Variants in PAN3 observed in about 807,000 individuals in gnomAD.
PAN3 encodes the protein poly(A) specific ribonuclease subunit PAN3.
Under a neutral mutation model 96.2 loss-of-function variants are expected in PAN3, and 19 were observed. The ratio of observed to expected loss-of-function variants is 0.20; its 90% CI spans 0.14 to 0.29. The LOEUF (loss-of-function observed/expected upper bound fraction) is 0.29, where lower values mean the gene tolerates loss of function less well. PAN3 is among the 10% of genes least tolerant of loss of function. PAN3 has a pLI of 1.00. For synonymous variants in PAN3, 433 were observed against 406.6 expected (o/e 1.06, Z -0.78); for missense variants, 882 against 1,108.1 (o/e 0.80, Z 2.90).
At position 28,138,603 on chromosome 13, in the gene PAN3, T is replaced by TGGCGGCGGCGGCGGCGGCGGC. The variant is rs779468176; in HGVS notation, c.-53_-52insCGGCGGCGGCGGCGGCGGCGG. 3 of 462,590 alleles carry TGGCGGCGGCGGCGGCGGCGGC rather than the reference T, an allele frequency of 6.5e-6. No individual in the cohort carries two copies. The highest frequency in any genetic ancestry group is 8.7e-5 in the Admixed American group (2 of 22,968). The allele number at this position is 462,590 out of a possible 1,614,324, so 28.7% of individuals were successfully genotyped here. On this transcript the variant is annotated 5_prime_UTR_variant, in exon 1 of 19. Transcript: ENST00000380958. ...TCTTCCTTTCCTCCCCCGTCTATGG[T>TGGCGGCGGCGGCGGCGGCGGC]GGTGGCGGCGGCGGCTCCTCGGGCG...
intron 1 of PAN3, among the ~76,000 whole-genome samples, chr13:28,172,646 T>C (rs1038460579): frequency 6.6e-6 from 1 of 152,322 alleles, no homozygotes; most frequent in Admixed American, 6.5e-5. Context: ...TTTAAACATA[T>C]CCTGGACATT....
intron 9 of PAN3, among the ~76,000 whole-genome samples, chr13:28,263,621 G>A (rs1008778720): frequency 5.9e-5 from 9 of 152,140 alleles, no homozygotes; most frequent in African/African-American, 1.9e-4. Flanking sequence ...ATGAGCCACT[G>A]TGCTTCAGGC....
At chr13:28,214,701 T>A (rs1233290132) in intron 5 of PAN3, 1 of 464,708 alleles carries the variant, frequency 2.2e-6, no homozygotes, top group African/African-American at 2.0e-5. Flanking sequence ...TTGGATAAAC[T>A]GAAAGCTGAG....
chr13:28,145,194 G>A (rs1420868198), intron 1 of PAN3, among the ~76,000 whole-genome samples: 1 of 152,104 alleles, frequency 6.6e-6, no homozygotes, highest in Non-Finnish European at 1.5e-5. Context: ...CAGTATCATG[G>A]CCAGTATTGA....
At chr13:28,192,842 A>G (rs1336889326) in intron 4 of PAN3, among the ~76,000 whole-genome samples, 1 of 152,232 alleles carries the variant, frequency 6.6e-6, no homozygotes, top group Non-Finnish European at 1.5e-5. Flanking sequence ...AGATATTGTT[A>G]TAATTTACAT....
chr13:28,160,875 T>C (rs1269204326), intron 1 of PAN3, among the ~76,000 whole-genome samples: 2 of 152,234 alleles, frequency 1.3e-5, no homozygotes, highest in African/African-American at 4.8e-5. Flanking sequence ...TCTGTACTTC[T>C]ATTGAGAATA....
intron 2 of PAN3, among the ~76,000 whole-genome samples, chr13:28,174,699 T>C (rs1332523204): frequency 6.6e-6 from 1 of 152,160 alleles, no homozygotes; most frequent in Non-Finnish European, 1.5e-5. Flanking sequence ...ATTTTAAAAT[T>C]ATGTTTTAAG....
chr13:28,273,526 G>A (rs578048172), intron 14 of PAN3, among the ~76,000 whole-genome samples: 23 of 152,088 alleles, frequency 1.5e-4, no homozygotes, highest in Non-Finnish European at 2.9e-4. Context: ...GCTTGAACCT[G>A]GGAGGCGGAG....
rs1880548709 is a variant in PAN3 at position 28,214,967 on chromosome 13, T to C, written c.853-5264T>C. On this transcript the variant is annotated intron_variant, in intron 5 of 18. Transcript: ENST00000380958. Reference sequence around the variant, plus strand: ...TGGGTGTGAAACAACTAATTGTTGGTGTTAACAAAATGGATTCCACTGAGC... The same window carrying C: ...TGGGTGTGAAACAACTAATTGTTGGCGTTAACAAAATGGATTCCACTGAGC... 2.2e-6 allele frequency: 3 copies of C among 1,371,872 alleles called. No individual in the cohort carries two copies. In the African/African-American group the frequency reaches 4.3e-5, roughly 19 times the overall value. The allele number at this position is 1,371,872 out of a possible 1,614,324, so 85.0% of individuals were successfully genotyped here.
intron 1 of PAN3, among the ~76,000 whole-genome samples, chr13:28,160,916 G>T (rs1298579442): frequency 6.6e-6 from 1 of 152,164 alleles, no homozygotes; most frequent in Non-Finnish European, 1.5e-5. Context: ...AAATCTTTCA[G>T]TTGTCTTGAA....
chr13:28,289,285 T>C (rs529772070), intron 18 of PAN3, among the ~76,000 whole-genome samples: 1 of 151,876 alleles, frequency 6.6e-6, no homozygotes, highest in South Asian at 2.1e-4. Flanking sequence ...TGAGGTGAGC[T>C]TTTTTTTGGA....
intron 13 of PAN3, 149 bp downstream of exon 13, chr13:28,271,015 A>AAT: frequency 1.1e-6 from 1 of 925,318 alleles, no homozygotes; most frequent in Non-Finnish European, 1.6e-6. Context: ...AAGCTTTTTA[A>AAT]AGAAAAAAAA....
chr13:28,238,818 G>A (rs1297945545), intron 6 of PAN3, among the ~76,000 whole-genome samples: 2 of 151,576 alleles, frequency 1.3e-5, no homozygotes, highest in African/African-American at 4.9e-5. Context: ...TCATAATAGT[G>A]TATTATAGAT....
At chr13:28,225,709 T>C (rs1373564628) in intron 6 of PAN3, among the ~76,000 whole-genome samples, 2 of 152,232 alleles carry the variant, frequency 1.3e-5, no homozygotes, top group African/African-American at 4.8e-5. Context: ...CTTGTCTCTC[T>C]TCCATCCACT....
At chr13:28,168,943 G>A (rs1235121193) in intron 1 of PAN3, among the ~76,000 whole-genome samples, 2 of 151,810 alleles carry the variant, frequency 1.3e-5, no homozygotes, top group Non-Finnish European at 2.9e-5. Flanking sequence ...GCATGAACCC[G>A]GGAGGTTGAA....
chr13:28,139,223 G>C (rs1051468310), intron 1 of PAN3, 136 bp downstream of exon 1: 1 of 1,030,402 alleles, frequency 9.7e-7, no homozygotes, highest in South Asian at 4.8e-5. Context: ...GAGAGGCCTA[G>C]GCCGGGCCTG....
At chr13:28,161,905 G>A (rs1250223494) in intron 1 of PAN3, among the ~76,000 whole-genome samples, 1 of 152,130 alleles carries the variant, frequency 6.6e-6, no homozygotes, top group African/African-American at 2.4e-5. Context: ...GCTTCTGTGG[G>A]TTTTATAACA....
At chr13:28,174,210 GT>G in intron 1 of PAN3, 61 bp from the exon 2 acceptor site, 1 of 1,513,264 alleles carries the variant, frequency 6.6e-7, no homozygotes. Flanking sequence ...GAACACAGAA[GT>G]GAAATCAATG....
intron 6 of PAN3, among the ~76,000 whole-genome samples, chr13:28,233,058 A>G (rs1882741563): frequency 6.6e-6 from 1 of 152,162 alleles, no homozygotes; most frequent in African/African-American, 2.4e-5. Flanking sequence ...GCAGATTGTT[A>G]AACTAGAATA....
Sources: gnomAD v4.1 joint callset for allele counts (sites outside exome capture counted in the v4.1 genomes callset) on GRCh38, gnomAD v4.1.1 for gene constraint, MANE v1.5 for transcripts, NCBI Gene and HGNC (gene_info 2026-07-23, HGNC 2026-07-21) for gene names.